Variants in ZNF730 observed in about 807,000 individuals in gnomAD.
The protein encoded by ZNF730 is zinc finger protein 730.
ZNF730 carries 12 observed loss-of-function variants against 12.6 expected under a neutral mutation model. That is an observed-to-expected ratio of 0.95 (90% confidence interval 0.61 to 1.54). The LOEUF (loss-of-function observed/expected upper bound fraction) is 1.54, where lower values mean the gene tolerates loss of function less well. Among genes scored for constraint, ZNF730 ranks in the 40% most tolerant of loss-of-function variants. The pLI, the probability that ZNF730 is intolerant of heterozygous loss-of-function variation, is 0.00. For synonymous variants in ZNF730, 194 were observed against 195.8 expected, an observed-to-expected ratio of 0.99 and a Z score of 0.08; for missense variants, 643 against 583.5, an observed-to-expected ratio of 1.10 and a Z score of -1.05.
At chr19:23,108,739 T>C (rs1230472567) in intron 1 of ZNF730, among the ~76,000 whole-genome samples, 1 of 63,126 alleles carries the variant, frequency 1.6e-5, no homozygotes, top group Admixed American at 1.2e-4. Flanking sequence ...CAAATTGTCT[T>C]TTTTTTTTGT....
intron 1 of ZNF730, among the ~76,000 whole-genome samples, chr19:23,101,411 A>G (rs1970334381): frequency 6.6e-6 from 1 of 152,230 alleles, no homozygotes; most frequent in Non-Finnish European, 1.5e-5. Flanking sequence ...CATTCTGTCA[A>G]CCATTGATAT....
chr19:23,080,526 C>T (rs1969944385), intron 1 of ZNF730, among the ~76,000 whole-genome samples: 1 of 151,990 alleles, frequency 6.6e-6, no homozygotes, highest in Non-Finnish European at 1.5e-5. Context: ...AGGTGCGCAC[C>T]ACCATGCCTG....
At chr19:23,144,700 C>CAAAAAAAAAAAAAAA (rs57769795) in intron 3 of ZNF730, among the ~76,000 whole-genome samples, 11 of 85,754 alleles carry the variant, frequency 1.3e-4, no homozygotes, top group African/African-American at 2.0e-4. Flanking sequence ...ACTCTTGTCT[C>CAAAAAAAAAAAAAAA]AAAAAAAAAA....
chr19:23,146,568 CTG>C lies in ZNF730; in HGVS notation c.*15_*16del, dbSNP rs745889483. The C allele has an allele frequency of 1.4e-5, 22 of 1,583,416 alleles. No homozygotes were observed. Among genetic ancestry groups the C allele is most frequent in the East Asian group, 6.8e-5 (3 of 44,100 alleles). ...CAATTCATACATAAAATTGTAAAGA[CTG>C]TGGCAAAGCTTTTAAACAATCTTTA... On this transcript the variant is annotated 3_prime_UTR_variant, in exon 4 of 4. Coordinates refer to ENST00000597761, the MANE Select transcript of ZNF730 (RefSeq NM_001277403.2).
At chr19:23,097,184 C>T (rs944713922) in intron 1 of ZNF730, among the ~76,000 whole-genome samples, 1 of 152,188 alleles carries the variant, frequency 6.6e-6, no homozygotes, top group Non-Finnish European at 1.5e-5. Flanking sequence ...CTGGGCCCAA[C>T]AGCAACAGTA....
At chr19:23,089,132 A>G (rs1190347592) in intron 1 of ZNF730, among the ~76,000 whole-genome samples, 1 of 152,096 alleles carries the variant, frequency 6.6e-6, no homozygotes, top group Non-Finnish European at 1.5e-5. Flanking sequence ...TCGACCTCCC[A>G]AGTGTTGGGC....
chr19:23,140,307 A>G (rs1366519137), intron 3 of ZNF730, among the ~76,000 whole-genome samples: 1 of 152,064 alleles, frequency 6.6e-6, no homozygotes, highest in Non-Finnish European at 1.5e-5. Flanking sequence ...GTATCTTTTA[A>G]TTTATTCTTT....
At chr19:23,097,344 T>C (rs554675422) in intron 1 of ZNF730, among the ~76,000 whole-genome samples, 39 of 152,160 alleles carry the variant, frequency 2.6e-4, no homozygotes, top group African/African-American at 9.4e-4. Flanking sequence ...CCAGGTGAGG[T>C]GAATCTTTTC....
chr19:23,116,074 G>A (rs1021906922), upstream of ZNF730, among the ~76,000 whole-genome samples: 17 of 152,236 alleles, frequency 1.1e-4, no homozygotes, highest in African/African-American at 4.1e-4. Context: ...CGCACGCACA[G>A]GAGAAAACGT....
rs1971025400 is a variant in ZNF730, at chr19:23,146,962, T to C, written c.*406T>C. The stretch of plus-strand genomic sequence containing the variant: ...ATGTCAAAGAAATGCTGGTGAGAAA[T>C]TCTAGAAATATGAAGAATGTGACAA... On this transcript the variant is annotated 3_prime_UTR_variant, in exon 4 of 4. Transcript: ENST00000597761. 5.2e-6 allele frequency: 2 copies of C among 388,344 alleles called. No homozygotes were observed. The highest frequency in any genetic ancestry group is 9.6e-6 in the Non-Finnish European group (2 of 208,356). 24.1% of individuals were successfully genotyped at this position (388,344 alleles called of 1,614,324 possible). A position where few individuals can be genotyped will look rare whatever the true frequency, so the allele number is the denominator to read the frequency against.
chr19:23,120,026 G>A (rs1452072267), intron 1 of ZNF730, among the ~76,000 whole-genome samples: 6 of 134,646 alleles, frequency 4.5e-5, no homozygotes, highest in Non-Finnish European at 7.7e-5. Flanking sequence ...GCAGAGCCTC[G>A]CTCTGTTGCC....
chr19:23,134,602 G>C (rs1389803478), intron 2 of ZNF730, among the ~76,000 whole-genome samples: 1 of 144,484 alleles, frequency 6.9e-6, no homozygotes, highest in South Asian at 2.2e-4. Flanking sequence ...AGGGTGGGGG[G>C]GGGGGTCAGC....
chr19:23,083,674 G>A (rs1247160811), intron 1 of ZNF730, among the ~76,000 whole-genome samples: 1 of 151,352 alleles, frequency 6.6e-6, no homozygotes, highest in Non-Finnish European at 1.5e-5. Flanking sequence ...TTTACCTGGT[G>A]ATTAGTTTAT....
At chr19:23,126,733 AT>A (rs961025982) in intron 1 of ZNF730, 1,927 of 386,568 alleles carry the variant, frequency 5.0e-3, no homozygotes, top group South Asian at 6.6e-3. Flanking sequence ...GCAGACTGAG[AT>A]TTTTTTTTTT....
chr19:23,137,659 C>G (rs1168165318), intron 3 of ZNF730, among the ~76,000 whole-genome samples: 1 of 152,196 alleles, frequency 6.6e-6, no homozygotes, highest in Non-Finnish European at 1.5e-5. Flanking sequence ...GCTTTGTTCT[C>G]TGTGAATTTT....
At chr19:23,100,342 A>C (rs1351065253) in intron 1 of ZNF730, 1 of 152,192 alleles carries the variant, frequency 6.6e-6, no homozygotes, top group Admixed American at 6.5e-5. Flanking sequence ...AAAGCAATAG[A>C]GTTAATGTTG....
chr19:23,119,169 T>C (rs1970568499), intron 1 of ZNF730, among the ~76,000 whole-genome samples: 1 of 152,266 alleles, frequency 6.6e-6, no homozygotes. Context: ...GTATGTTGGC[T>C]GTGGGTTTGT....
At position 23,145,578 on chromosome 19, in the gene ZNF730, T is replaced by G; in HGVS notation, c.534T>G (p.Cys178Trp). 6.5e-7 allele frequency: 1 copy of G among 1,544,044 alleles called. No homozygotes were observed. The highest frequency in any genetic ancestry group is 2.1e-5 in the Admixed American group (1 of 48,474). The change falls in exon 4 of 4, where the codon TGT (cysteine) becomes TGG (tryptophan). Residue 178 changes from cysteine to tryptophan, a missense_variant. Cys to Trp is a radical substitution (Grantham distance 215, BLOSUM62 -2). Transcript: ENST00000597761. ...AGAAACCTTTCAAATGTAAAGAATG[T>G]GGAAAATTATTTTGCATTCTTTCAC... ...TSKKPFKCKE[C>W]GKLFCILSHL...
intron 3 of ZNF730, among the ~76,000 whole-genome samples, chr19:23,140,403 A>G (rs1970898099): frequency 6.7e-6 from 1 of 149,804 alleles, no homozygotes; most frequent in African/African-American, 2.5e-5. Flanking sequence ...TGAGGTCAGG[A>G]GTATGAGACC....
Sources: allele counts gnomAD v4.1 joint callset (sites outside exome capture counted in the v4.1 genomes callset), GRCh38; gene constraint gnomAD v4.1.1; transcripts MANE v1.5; gene names NCBI Gene and HGNC (gene_info 2026-07-23, HGNC 2026-07-21).